The following FRK variants were observed in gnomAD, a reference collection of about 807,000 sequenced individuals.
FRK encodes fyn related Src family tyrosine kinase.
FRK carries 51 observed loss-of-function variants against 56.4 expected under a neutral mutation model. The ratio of observed to expected loss-of-function variants is 0.90; its 90% CI spans 0.72 to 1.14. The LOEUF is 1.14. Ranked by LOEUF, FRK falls within the 50% of genes most tolerant of loss-of-function variation. The pLI is 0.00. For synonymous variants in FRK, 245 were observed against 217.9 expected (o/e 1.12, Z -1.10); for missense variants, 570 against 601.4 (o/e 0.95, Z 0.55).
Position 115,998,917 on chromosome 6 carries a change from C to T in FRK, c.466+4960G>A, listed in dbSNP as rs542057709. ...CTTGGTGCTGAACAGGTTTCACTGACGAAAAATGTGAAAGCTCTACTACTC... is the reference window on the plus strand; with the variant it reads ...CTTGGTGCTGAACAGGTTTCACTGATGAAAAATGTGAAAGCTCTACTACTC... On this transcript the variant is annotated intron_variant, in intron 2 of 7. Coordinates refer to ENST00000606080, the MANE Select transcript of FRK (RefSeq NM_002031.3). 2.8e-4 allele frequency among the ~76,000 whole-genome samples: 43 copies of T among 152,216 alleles called. 2 individuals carry two copies. In the South Asian group the frequency reaches 8.3e-3, roughly 29 times the overall value.
chr6:115,958,491 G>C (rs1422101082), intron 4 of FRK, among the ~76,000 whole-genome samples: 1 of 151,724 alleles, frequency 6.6e-6, no homozygotes, highest in Non-Finnish European at 1.5e-5. Context: ...AGCCAGGCAT[G>C]GTGTCAGGTG....
chr6:116,095,244 T>C, the FRK span, among the ~76,000 whole-genome samples: 2 of 152,206 alleles, frequency 1.3e-5, no homozygotes, highest in Non-Finnish European at 1.5e-5. Context: ...AACGACACCA[T>C]GGGTATTCAG....
intron 2 of FRK, among the ~76,000 whole-genome samples, chr6:115,978,795 T>C (rs1003529441): frequency 1.3e-5 from 2 of 152,202 alleles, no homozygotes; most frequent in Non-Finnish European, 2.9e-5. Context: ...AATGACTATG[T>C]TACTGGTTTA....
chr6:116,016,427 C>A (rs1445443727), intron 1 of FRK, among the ~76,000 whole-genome samples: 1 of 152,078 alleles, frequency 6.6e-6, no homozygotes, highest in Admixed American at 6.5e-5. Flanking sequence ...CACATGTACC[C>A]AGAGAATATG....
At chr6:116,093,688 A>G in the FRK span, among the ~76,000 whole-genome samples, 1 of 152,156 alleles carries the variant, frequency 6.6e-6, no homozygotes, top group Admixed American at 6.5e-5. Flanking sequence ...TGTGTTCTAG[A>G]AGGACTAAGG....
chr6:115,975,901 T>C (rs966713817), intron 2 of FRK, among the ~76,000 whole-genome samples: 1 of 152,112 alleles, frequency 6.6e-6, no homozygotes, highest in African/African-American at 2.4e-5. Flanking sequence ...TAAGTATGTA[T>C]CAGGAATACA....
At chr6:116,081,280 A>G in the FRK span, among the ~76,000 whole-genome samples, 1 of 152,198 alleles carries the variant, frequency 6.6e-6, no homozygotes, top group Non-Finnish European at 1.5e-5. Flanking sequence ...GTGGAGGTGC[A>G]AATCAGTACC....
rs192290873 is a variant in FRK at position 115,998,765 on chromosome 6, T to C, written c.466+5112A>G. 3.7e-4 allele frequency among the ~76,000 whole-genome samples: 57 copies of C among 152,282 alleles called. No individual in the cohort carries two copies. In the East Asian group the frequency reaches 8.9e-3, roughly 24 times the overall value. On this transcript the variant is annotated intron_variant, in intron 2 of 7. Transcript: ENST00000606080. ...ACACAGTGGGCATACTGAATGCCGT[T>C]GAAGAAATAAACAAAGGTATAAGTA... is the stretch of plus-strand genomic sequence containing the variant.
At chr6:116,001,072 T>C (rs1775047457) in intron 2 of FRK, among the ~76,000 whole-genome samples, 1 of 152,028 alleles carries the variant, frequency 6.6e-6, no homozygotes, top group Non-Finnish European at 1.5e-5. Flanking sequence ...ACCCCGTCCC[T>C]ACTAAAAATA....
chr6:115,997,226 A>T (rs755866984), intron 2 of FRK, among the ~76,000 whole-genome samples: 2 of 152,184 alleles, frequency 1.3e-5, no homozygotes, highest in Admixed American at 6.5e-5. Flanking sequence ...AGAGCAAAAC[A>T]TGTATTTCGT....
intron 2 of FRK, among the ~76,000 whole-genome samples, chr6:115,972,956 C>T (rs1338615859): frequency 6.6e-6 from 1 of 152,150 alleles, no homozygotes; most frequent in Non-Finnish European, 1.5e-5. Flanking sequence ...AGACACACCT[C>T]CAGTTCACGA....
chr6:115,994,475 G>C (rs1212177255), intron 2 of FRK, among the ~76,000 whole-genome samples: 1 of 151,972 alleles, frequency 6.6e-6, no homozygotes, highest in Non-Finnish European at 1.5e-5. Context: ...GGCTGCAAAT[G>C]CATTAAGTCT....
At chr6:115,965,882 A>G (rs1773543930) in intron 4 of FRK, among the ~76,000 whole-genome samples, 2 of 77,260 alleles carry the variant, frequency 2.6e-5, no homozygotes, top group Non-Finnish European at 2.6e-5. Flanking sequence ...GGGGAATATC[A>G]CACTCTGGGG....
intron 2 of FRK, among the ~76,000 whole-genome samples, chr6:115,980,174 T>C (rs1372760174): frequency 2.0e-5 from 3 of 152,226 alleles, no homozygotes; most frequent in South Asian, 4.1e-4. Context: ...GGTATTTGTA[T>C]GGGAAACTAC....
chr6:116,039,449 CT>C (rs1417192337), intron 1 of FRK: 38 of 1,569,136 alleles, frequency 2.4e-5, no homozygotes, highest in Non-Finnish European at 3.5e-6. Context: ...GTGGGTGATG[CT>C]TCCCTCAAGC....
At chr6:116,084,788 G>GT in the FRK span, among the ~76,000 whole-genome samples, 25 of 152,164 alleles carry the variant, frequency 1.6e-4, no homozygotes, top group African/African-American at 5.6e-4. Flanking sequence ...TTTGATTGTG[G>GT]TTTTTTCTAG....
intron 2 of FRK, among the ~76,000 whole-genome samples, chr6:115,973,998 CT>C (rs1470440451): frequency 6.6e-6 from 1 of 152,246 alleles, no homozygotes; most frequent in East Asian, 1.9e-4. Context: ...ATAAAATATA[CT>C]TGCTATTTAC....
chr6:115,967,766 A>C, intron 3 of FRK, 47 bp from the exon 4 acceptor site: 1 of 1,337,388 alleles, frequency 7.5e-7, no homozygotes, highest in Non-Finnish European at 1.0e-6. Flanking sequence ...AAAAAAGTAG[A>C]TTTAATATTA....
At chr6:116,054,995 G>A (rs1424546158) in intron 1 of FRK, among the ~76,000 whole-genome samples, 7 of 152,102 alleles carry the variant, frequency 4.6e-5, no homozygotes, top group Non-Finnish European at 1.5e-5. Flanking sequence ...TGACATTTAA[G>A]TTGAAAATGA....
Sources: allele counts gnomAD v4.1 joint callset (sites outside exome capture counted in the v4.1 genomes callset), GRCh38; gene constraint gnomAD v4.1.1; transcripts MANE v1.5; gene names NCBI Gene and HGNC (gene_info 2026-07-23, HGNC 2026-07-21).